FAT3: variants seen among roughly 807,000 people sequenced by gnomAD.
FAT3 encodes FAT atypical cadherin 3, also known as protocadherin Fat 3.
A neutral mutation model predicts 310.2 loss-of-function variants in FAT3; 95 were observed. The observed-to-expected ratio is 0.31, with a 90% CI of 0.26 to 0.36. The LOEUF is 0.36. FAT3 is among the 10% of genes least tolerant of loss of function. The probability of loss-of-function intolerance (pLI) is 1.00; values close to 1 mark genes in which losing one functional copy is unlikely to be tolerated. For synonymous variants in FAT3, 2,314 were observed against 2,192.9 expected (o/e 1.06, Z -1.54); for missense variants, 5,408 against 5,715.6 (o/e 0.95, Z 1.74).
Position 92,229,492 on chromosome 11 carries a change from G to GTTTTTT in FAT3, c.-18+4327_-18+4332dup, listed in dbSNP as rs780129800. On this transcript the variant is annotated intron_variant, in intron 1 of 27. Transcript: ENST00000525166. ...TTGTTTTCTTTTTTTGTTTTTTCGTGTTTTTTTTTTTTTTGTTTTTTGTTT... is the reference window on the plus strand; with the variant it reads ...TTGTTTTCTTTTTTTGTTTTTTCGTGTTTTTTTTTTTTTTTTTTTTGTTTTTTGTTT... Among the ~76,000 whole-genome samples, 31 of 60,226 alleles carry GTTTTTT rather than the reference G, an allele frequency of 5.1e-4. 2 individuals are homozygous for GTTTTTT. The highest frequency in any genetic ancestry group is 1.8e-3 in the African/African-American group (30 of 16,852). 39.5% of individuals were successfully genotyped at this position (60,226 alleles called of 152,430 possible).
At chr11:92,716,400 A>G (rs1406263815) in intron 4 of FAT3, among the ~76,000 whole-genome samples, 1 of 152,132 alleles carries the variant, frequency 6.6e-6, no homozygotes, top group Admixed American at 6.5e-5. Context: ...ATTCGCCATC[A>G]GTATATGAGC....
intron 4 of FAT3, among the ~76,000 whole-genome samples, chr11:92,740,192 A>G (rs1565555481): frequency 6.6e-6 from 1 of 152,218 alleles, no homozygotes; most frequent in African/African-American, 2.4e-5. Context: ...TTCACTCAGC[A>G]AAACAACTGA....
intron 2 of FAT3, among the ~76,000 whole-genome samples, chr11:92,509,065 T>G (rs1953205131): frequency 6.6e-6 from 1 of 152,154 alleles, no homozygotes; most frequent in Non-Finnish European, 1.5e-5. Context: ...TTTATCTTAC[T>G]AAACATCATG....
rs533001522 is a variant in FAT3, at chr11:92,234,845, T to A, written c.-18+9671T>A. On this transcript the variant is annotated intron_variant, in intron 1 of 27. Coordinates refer to ENST00000525166, the MANE Select transcript of FAT3 (RefSeq NM_001367949.2). Reference sequence around the variant, plus strand: ...TGAACCCAGGAGACGGAGGTTGCAATGAGCCGAGATTGTGCCATTGAACTC... The same window carrying A: ...TGAACCCAGGAGACGGAGGTTGCAAAGAGCCGAGATTGTGCCATTGAACTC... Among the ~76,000 whole-genome samples the A allele has an allele frequency of 1.3e-4, 19 of 148,344 alleles. No homozygotes were observed. In the South Asian group the frequency reaches 4.0e-3, roughly 32 times the overall value.
At chr11:92,574,029 A>G (rs1299550080) in intron 3 of FAT3, among the ~76,000 whole-genome samples, 1 of 62,372 alleles carries the variant, frequency 1.6e-5, no homozygotes, top group African/African-American at 3.2e-5. Context: ...ATAAAAGAGC[A>G]AACACATATT....
intron 2 of FAT3, among the ~76,000 whole-genome samples, chr11:92,368,907 T>C (rs1341657335): frequency 6.8e-6 from 1 of 147,448 alleles, no homozygotes; most frequent in Non-Finnish European, 1.5e-5. Context: ...CACACATATA[T>C]ATATACACAT....
chr11:92,873,289 C>G (rs907035013), intron 22 of FAT3, among the ~76,000 whole-genome samples: 1 of 152,148 alleles, frequency 6.6e-6, no homozygotes, highest in Admixed American at 6.5e-5. Flanking sequence ...AGTGCCTCAC[C>G]ACCACATCAC....
intron 3 of FAT3, among the ~76,000 whole-genome samples, chr11:92,575,461 T>C (rs16917820): frequency 0.013 from 1,976 of 152,302 alleles, 34 homozygotes; most frequent in African/African-American, 0.034. Flanking sequence ...GTATTAGGTC[T>C]TTTATAACTT....
At chr11:92,307,450 A>G (rs1005908075) in intron 1 of FAT3, among the ~76,000 whole-genome samples, 35 of 152,356 alleles carry the variant, frequency 2.3e-4, no homozygotes, top group African/African-American at 8.2e-4. Context: ...ACATTTAGTC[A>G]GAAGATCAGA....
At chr11:92,583,704 C>A (rs1938965377) in intron 3 of FAT3, among the ~76,000 whole-genome samples, 1 of 151,926 alleles carries the variant, frequency 6.6e-6, no homozygotes, top group African/African-American at 2.4e-5. Flanking sequence ...CAGGACACAC[C>A]CCCATTGTCA....
intron 2 of FAT3, among the ~76,000 whole-genome samples, chr11:92,427,189 A>G (rs1359727273): frequency 6.6e-6 from 1 of 152,048 alleles, no homozygotes; most frequent in East Asian, 1.9e-4. Context: ...TTATTAGCAT[A>G]TAGGAATGCT....
intron 7 of FAT3, among the ~76,000 whole-genome samples, chr11:92,787,215 G>A (rs1211003379): frequency 1.3e-5 from 2 of 152,042 alleles, no homozygotes; most frequent in African/African-American, 4.8e-5. Context: ...TGGCAGGGAA[G>A]AGTGTATATA....
chr11:92,365,139 A>G (rs1948984846), intron 2 of FAT3, among the ~76,000 whole-genome samples: 1 of 152,122 alleles, frequency 6.6e-6, no homozygotes, highest in Non-Finnish European at 1.5e-5. Flanking sequence ...GCATGGTGGC[A>G]TGCACCTGTG....
At chr11:92,858,279 A>G (rs747343593) in intron 20 of FAT3, among the ~76,000 whole-genome samples, 10 of 152,190 alleles carry the variant, frequency 6.6e-5, no homozygotes, top group African/African-American at 1.9e-4. Context: ...AAGTCATGTA[A>G]GGCTTAGAAT....
chr11:92,282,695 A>G (rs1946461461), intron 1 of FAT3, among the ~76,000 whole-genome samples: 1 of 152,056 alleles, frequency 6.6e-6, no homozygotes, highest in East Asian at 1.9e-4. Context: ...TCACACATAT[A>G]TGTAATTTAT....
rs76730099 is a variant in FAT3 at position 92,262,167 on chromosome 11, A to T, written c.-18+36993A>T. The stretch of plus-strand genomic sequence containing the variant: ...AGAACCTCCTAAGAAGTGACATTTC[A>T]TTGGAAATTGGAAATTCTATTGACT... On this transcript the variant is annotated intron_variant, in intron 1 of 27. Transcript: ENST00000525166. 1.2e-4 allele frequency among the ~76,000 whole-genome samples: 18 copies of T among 152,218 alleles called. No individual in the cohort carries two copies. The East Asian group carries it at 3.5e-3, about 30-fold the overall frequency.
rs79605102 is a variant in FAT3, at chr11:92,733,625, A to G, written c.3670-28231A>G. ...AGAGGGTAGAGCCCACAGCTCTATA[A>G]GCTTAAGTAAATGAAAGCATGGTGG... On this transcript the variant is annotated intron_variant, in intron 4 of 27. Coordinates refer to ENST00000525166, the MANE Select transcript of FAT3 (RefSeq NM_001367949.2). Among the ~76,000 whole-genome samples the G allele has an allele frequency of 8.5e-3, 1,299 of 152,254 alleles. 80 individuals are homozygous for G. The East Asian group carries it at 0.17, about 19-fold the overall frequency.
chr11:92,676,459 G>A (rs1943291884), intron 3 of FAT3, among the ~76,000 whole-genome samples: 1 of 152,166 alleles, frequency 6.6e-6, no homozygotes, highest in Non-Finnish European at 1.5e-5. Flanking sequence ...TTAAAATACA[G>A]CTAAGCCCCT....
chr11:92,554,943 G>C (rs912359231), intron 3 of FAT3, among the ~76,000 whole-genome samples: 4 of 152,164 alleles, frequency 2.6e-5, no homozygotes, highest in African/African-American at 9.7e-5. Context: ...GGATTAAAGC[G>C]CCAGCAGCAT....
Sources: gnomAD v4.1 joint callset for allele counts (sites outside exome capture counted in the v4.1 genomes callset) on GRCh38, gnomAD v4.1.1 for gene constraint, MANE v1.5 for transcripts, NCBI Gene and HGNC (gene_info 2026-07-23, HGNC 2026-07-21) for gene names.